The following NUP210L variants were observed in gnomAD, a reference collection of about 807,000 sequenced individuals.
NUP210L encodes nuclear pore membrane glycoprotein 210-like.
A neutral mutation model predicts 208.5 loss-of-function variants in NUP210L; 74 were observed. The ratio of observed to expected loss-of-function variants is 0.35; its 90% CI spans 0.29 to 0.43. NUP210L has a LOEUF of 0.43. Ranked by LOEUF, NUP210L falls within the 20% of genes least tolerant of loss-of-function variation. The pLI is 1.00. For synonymous variants in NUP210L, 780 were observed against 816.9 expected, an observed-to-expected ratio of 0.95 and a Z score of 0.77; for missense variants, 1,843 against 2,289.4, an observed-to-expected ratio of 0.81 and a Z score of 3.98.
At position 154,104,014 on chromosome 1, in the gene NUP210L, T is replaced by C. The variant is rs189859439; in HGVS notation, c.1817A>G (p.Glu606Gly). 4.2e-5 allele frequency: 68 copies of C among 1,610,492 alleles called. No individual in the cohort carries two copies. In the African/African-American group the frequency reaches 8.6e-4, roughly 20 times the overall value. ...GAAGATAAAAAGGCTACTTTTACCT[T>C]CTTTGAGAAGAGTAAAGACTCCTTG... Residue 606 changes from glutamate to glycine, a missense_variant and splice_region_variant, in exon 13 of 40, where the codon GAA (glutamate) becomes GGA (glycine). Glu to Gly is a moderately conservative substitution (Grantham distance 98). This residue lies in a region of NUP210L where 408 missense variants were observed against 600.8 expected (regional missense o/e 0.68). Coordinates refer to ENST00000368559, the Ensembl canonical transcript of NUP210L.
chr1:154,090,705 G>A (rs1008847855), intron 15 of NUP210L, among the ~76,000 whole-genome samples: 1 of 152,064 alleles, frequency 6.6e-6, no homozygotes, highest in African/African-American at 2.4e-5. Context: ...CAGCTACTTG[G>A]GAGACTGAGG....
chr1:154,011,728 G>A (rs1368874575), intron 34 of NUP210L, among the ~76,000 whole-genome samples: 9 of 115,672 alleles, frequency 7.8e-5, no homozygotes, highest in African/African-American at 2.7e-4. Context: ...TCACTCTGCC[G>A]CCTAGGCTGG....
At chr1:154,036,498 G>A (rs745653242) in intron 27 of NUP210L, among the ~76,000 whole-genome samples, 9 of 147,026 alleles carry the variant, frequency 6.1e-5, no homozygotes, top group Non-Finnish European at 1.2e-4. Flanking sequence ...CTGAGTAGCT[G>A]GGATTACAGG....
rs1658743658 is a variant in NUP210L, at chr1:154,139,815, T to G, written c.704A>C (p.Glu235Ala). ...CAAACTTTTTACCTTATAGAATGGT[T>G]CATGAATTCGAACTTTTACAACAGC... The change falls in exon 5 of 40, where the codon GAA becomes GCA. Residue 235 changes from glutamate to alanine, a missense_variant. By Grantham distance (107) the Glu-to-Ala change is moderately radical. Around this residue, in one of 5 missense-constraint regions of NUP210L, gnomAD observed 542 missense variants for 606.4 expected, o/e 0.89. Transcript: ENST00000368559. 1.9e-6 allele frequency: 3 copies of G among 1,612,790 alleles called. No homozygotes were observed. The East Asian group carries it at 6.7e-5, about 36-fold the overall frequency.
intron 27 of NUP210L, among the ~76,000 whole-genome samples, chr1:154,040,281 G>A (rs566465580): frequency 1.3e-5 from 2 of 152,122 alleles, no homozygotes; most frequent in Non-Finnish European, 1.5e-5. Context: ...GGTACACCCT[G>A]TAATCCCAGC....
chr1:154,060,492 T>G, intron 20 of NUP210L, 48 bp downstream of exon 20: 3 of 1,166,298 alleles, frequency 2.6e-6, no homozygotes, highest in Non-Finnish European at 3.8e-6. Context: ...CTCCTCAGAA[T>G]GAGCTTTGGC....
chr1:154,108,099 T>C (rs1656860150), intron 12 of NUP210L, among the ~76,000 whole-genome samples: 3 of 152,074 alleles, frequency 2.0e-5, no homozygotes, highest in African/African-American at 7.2e-5. Context: ...GTATAAGATA[T>C]AAATAGAAAC....
At chr1:154,009,850 C>A (rs1650800026) in intron 35 of NUP210L, 122 bp downstream of exon 35, 11 of 697,620 alleles carry the variant, frequency 1.6e-5, no homozygotes, top group South Asian at 1.2e-4. Context: ...TGTTGCCTGA[C>A]AAAGATTCCA....
intron 7 of NUP210L, among the ~76,000 whole-genome samples, chr1:154,131,075 G>C (rs1345916824): frequency 6.6e-6 from 1 of 151,742 alleles, no homozygotes; most frequent in Non-Finnish European, 1.5e-5. Flanking sequence ...GACCATCCTG[G>C]CTAACACGGT....
chr1:154,004,857 T>TC (rs1422086841), intron 35 of NUP210L, among the ~76,000 whole-genome samples: 73 of 143,156 alleles, frequency 5.1e-4, no homozygotes, highest in African/African-American at 1.2e-3. Context: ...TTTCTTTCTT[T>TC]TTTTTTTTTT....
chr1:154,016,411 T>C (rs1006993471), intron 33 of NUP210L, among the ~76,000 whole-genome samples: 3 of 152,122 alleles, frequency 2.0e-5, no homozygotes, highest in Admixed American at 6.6e-5. Flanking sequence ...ATAGAAAATA[T>C]TTCATTAAAA....
chr1:154,135,030 G>T (rs997665932), intron 7 of NUP210L, among the ~76,000 whole-genome samples: 2 of 152,092 alleles, frequency 1.3e-5, no homozygotes, highest in Admixed American at 1.3e-4. Context: ...GAGCCACCAC[G>T]CCCGGCCTCT....
At chr1:154,104,760 T>C (rs768369936) in intron 12 of NUP210L, among the ~76,000 whole-genome samples, 1 of 152,094 alleles carries the variant, frequency 6.6e-6, no homozygotes, top group Admixed American at 6.5e-5. Flanking sequence ...TAAAGCACTC[T>C]GGGGTCCTAA....
At chr1:154,030,949 C>T (rs536016449) in intron 27 of NUP210L, among the ~76,000 whole-genome samples, 8 of 152,136 alleles carry the variant, frequency 5.3e-5, no homozygotes, top group African/African-American at 1.2e-4. Context: ...GGTCTCCCTA[C>T]GTTGCCCAGG....
intron 28 of NUP210L, among the ~76,000 whole-genome samples, chr1:154,028,798 A>G (rs1652049195): frequency 6.6e-6 from 1 of 151,916 alleles, no homozygotes. Context: ...TCTAATGTTA[A>G]TAGTATATAA....
At chr1:154,049,951 T>C (rs1047417212) in intron 25 of NUP210L, among the ~76,000 whole-genome samples, 1 of 152,178 alleles carries the variant, frequency 6.6e-6, no homozygotes, top group Non-Finnish European at 1.5e-5. Context: ...TTGCCAGAAG[T>C]ATGTAGGGCA....
intron 25 of NUP210L, among the ~76,000 whole-genome samples, chr1:154,048,664 G>A (rs373770044): frequency 1.1e-3 from 174 of 152,260 alleles, no homozygotes; most frequent in South Asian, 5.6e-3. Flanking sequence ...TGGTAATGCC[G>A]CAGTAGATTT....
At chr1:154,003,034 A>C (rs1025373701) in intron 35 of NUP210L, among the ~76,000 whole-genome samples, 4 of 148,340 alleles carry the variant, frequency 2.7e-5, no homozygotes, top group Middle Eastern at 3.6e-3. Context: ...TTAAAGAGAC[A>C]GAATTTCACA....
chr1:154,013,914 G>A (rs1239205679), intron 33 of NUP210L, among the ~76,000 whole-genome samples: 1 of 151,916 alleles, frequency 6.6e-6, no homozygotes, highest in Admixed American at 6.6e-5. Context: ...ACAGGCACGT[G>A]CCACCATGCC....
Sources: allele counts gnomAD v4.1 joint callset (sites outside exome capture counted in the v4.1 genomes callset), GRCh38; gene constraint gnomAD v4.1.1; regional missense constraint gnomAD v4.1.1; transcripts MANE v1.5; gene names NCBI Gene and HGNC (gene_info 2026-07-23, HGNC 2026-07-21).